Variants in TPO observed in about 807,000 individuals in gnomAD.
The protein encoded by TPO is thyroid peroxidase.
Under a neutral mutation model 96.9 loss-of-function variants are expected in TPO, and 78 were observed. The observed-to-expected ratio is 0.81, with a 90% CI of 0.67 to 0.97. The LOEUF (loss-of-function observed/expected upper bound fraction) is 0.97. TPO is among the 50% of genes least tolerant of loss of function. The pLI is 0.00. For missense variants in TPO, 1,252 were observed against 1,274.8 expected (o/e 0.98, Z 0.27); for synonymous variants, 547 against 538.0 (o/e 1.02, Z -0.23).
chr2:1,520,086 C>T (rs1043687212), intron 15 of TPO, among the ~76,000 whole-genome samples: 1 of 151,822 alleles, frequency 6.6e-6, no homozygotes, highest in Admixed American at 6.6e-5. Context: ...GTTACAGAGT[C>T]AGAGACCATA....
chr2:1,521,739 G>A lies in TPO; in HGVS notation c.2618+4757G>A, dbSNP rs143872948. Among the ~76,000 whole-genome samples the A allele has an allele frequency of 5.7e-3, 865 of 152,124 alleles. 12 individuals are homozygous for A. Among genetic ancestry groups the A allele is most frequent in the African/African-American group, 0.02 (837 of 41,474 alleles). On this transcript the variant is annotated intron_variant, in intron 15 of 16. Transcript: ENST00000329066. ...TAGTGGAATCCTTCAGAGTCAGTAC[G>A]GCGTCTGTGAGGCACTCAGGCCCCA... is the stretch of plus-strand genomic sequence containing the variant.
intron 14 of TPO, among the ~76,000 whole-genome samples, chr2:1,512,727 C>T (rs1001865523): frequency 6.6e-6 from 1 of 152,190 alleles, no homozygotes; most frequent in African/African-American, 2.4e-5. Flanking sequence ...GCCAGGCCGC[C>T]GGTGGAGCCT....
chr2:1,505,509 C>CA (rs1216988406), intron 14 of TPO, among the ~76,000 whole-genome samples: 1 of 135,894 alleles, frequency 7.4e-6, no homozygotes, highest in Non-Finnish European at 1.6e-5. Context: ...ACACCCCCAC[C>CA]ACCATCCTGT....
In TPO at chr2:1,423,335, G is replaced by A. The variant is rs9678469; in HGVS notation, c.179+206G>A. Among the ~76,000 whole-genome samples, 123,189 of 152,190 alleles carry A rather than the reference G, an allele frequency of 0.81. 49,967 individuals are homozygous for A. Among genetic ancestry groups the A allele is most frequent in the South Asian group, 0.9 (4,331 of 4,820 alleles). Reference sequence around the variant, plus strand: ...CCTTTCTTAAGCAAGACACAAAGGAGGAGCACCCTGATGCAATTAGCAATT... The same window carrying A: ...CCTTTCTTAAGCAAGACACAAAGGAAGAGCACCCTGATGCAATTAGCAATT... On this transcript the variant is annotated intron_variant, in intron 3 of 16. Transcript: ENST00000329066.
intron 1 of TPO, among the ~76,000 whole-genome samples, chr2:1,390,704 T>A (rs1053195670): frequency 6.6e-6 from 1 of 152,238 alleles, no homozygotes; most frequent in African/African-American, 2.4e-5. Context: ...GTTTCCTAAC[T>A]TTTTAATGAT....
chr2:1,521,724 C>T (rs1019850456), intron 15 of TPO, among the ~76,000 whole-genome samples: 4 of 152,056 alleles, frequency 2.6e-5, no homozygotes, highest in African/African-American at 9.7e-5. Flanking sequence ...TAGTGGAATC[C>T]TTCAGAGTCA....
chr2:1,478,311 C>CTGTT, intron 8 of TPO: 1 of 985,424 alleles, frequency 1.0e-6, no homozygotes, highest in Non-Finnish European at 1.2e-6. Flanking sequence ...GAAGGATGGG[C>CTGTT]TGTTTGATAT....
intron 15 of TPO, among the ~76,000 whole-genome samples, chr2:1,536,642 C>CA (rs1679714372): frequency 4.3e-4 from 1 of 2,344 alleles, no homozygotes; most frequent in Non-Finnish European, 1.2e-3. Flanking sequence ...CTCCCCAAAT[C>CA]CCCCCCCCCA....
At chr2:1,441,703 G>C (rs1666209403) in intron 5 of TPO, among the ~76,000 whole-genome samples, 1 of 152,150 alleles carries the variant, frequency 6.6e-6, no homozygotes, top group Non-Finnish European at 1.5e-5. Context: ...AGGTGGGTGT[G>C]GGCAGGGGTC....
chr2:1,502,124 C>G (rs1260704798), intron 13 of TPO, among the ~76,000 whole-genome samples: 1 of 152,064 alleles, frequency 6.6e-6, no homozygotes, highest in Non-Finnish European at 1.5e-5. Flanking sequence ...TTTGATTTTT[C>G]ACACGATCAT....
intron 15 of TPO, among the ~76,000 whole-genome samples, chr2:1,535,530 G>A (rs1157984747): frequency 8.3e-5 from 1 of 11,994 alleles, no homozygotes; most frequent in Non-Finnish European, 1.6e-4. Context: ...CCAAATCCCC[G>A]TGTGCCACTT....
rs1362962869 is a variant in TPO, at chr2:1,493,921, G to T, written c.1888G>T (p.Asp630Tyr). The T allele has an allele frequency of 6.2e-7, 1 of 1,614,102 alleles. No homozygotes were observed. Among genetic ancestry groups the T allele is most frequent in the East Asian group, 2.2e-5 (1 of 44,892 alleles). Residue 630 changes from aspartate (D) to tyrosine (Y), a missense_variant, in exon 11 of 17, where the codon GAC becomes TAC. Coordinates refer to ENST00000329066, the MANE Select transcript of TPO (RefSeq NM_001206744.2). The stretch of plus-strand genomic sequence containing the variant: ...GATCCTGGACTTGTACAAGCATCCT[G>T]ACAACATCGATGTCTGGCTGGGAGG... ...DKILDLYKHP[D>Y]NIDVWLGGLA...
At chr2:1,530,518 C>G (rs1266665622) in intron 15 of TPO, among the ~76,000 whole-genome samples, 1 of 129,840 alleles carries the variant, frequency 7.7e-6, no homozygotes, top group East Asian at 2.5e-4. Flanking sequence ...CCAAATCTCC[C>G]CCACTCTGTG....
chr2:1,384,885 C>T (rs1432434801), intron 1 of TPO, among the ~76,000 whole-genome samples: 1 of 152,160 alleles, frequency 6.6e-6, no homozygotes, highest in African/African-American at 2.4e-5. Flanking sequence ...AGATACATCC[C>T]ATCAATACCT....
intron 1 of TPO, among the ~76,000 whole-genome samples, chr2:1,376,579 G>A (rs906226591): frequency 1.4e-4 from 22 of 152,064 alleles, no homozygotes; most frequent in Non-Finnish European, 2.6e-4. Flanking sequence ...TGGTGCCCAG[G>A]GCAGTGCTGA....
intron 10 of TPO, among the ~76,000 whole-genome samples, chr2:1,489,988 T>G: frequency 3.7e-5 from 4 of 108,486 alleles, no homozygotes; most frequent in African/African-American, 7.1e-5. Flanking sequence ...ACAGGGGGAG[T>G]CACGACACAG....
At chr2:1,500,481 T>C (rs962431484) in intron 13 of TPO, among the ~76,000 whole-genome samples, 5 of 152,314 alleles carry the variant, frequency 3.3e-5, no homozygotes, top group South Asian at 4.1e-4. Context: ...CAGGAAACTT[T>C]ACGTTTATGG....
chr2:1,430,848 A>G (rs1664906272), intron 3 of TPO, among the ~76,000 whole-genome samples: 1 of 152,184 alleles, frequency 6.6e-6, no homozygotes, highest in Non-Finnish European at 1.5e-5. Context: ...GGAAAAATAT[A>G]CCCAATGCTG....
intron 15 of TPO, among the ~76,000 whole-genome samples, chr2:1,519,034 G>C (rs1018146435): frequency 6.6e-6 from 1 of 152,194 alleles, no homozygotes; most frequent in South Asian, 2.1e-4. Context: ...CCATCTTGAC[G>C]GGAAGGCAGA....
Sources: gnomAD v4.1 joint callset for allele counts (sites outside exome capture counted in the v4.1 genomes callset) on GRCh38, gnomAD v4.1.1 for gene constraint, MANE v1.5 for transcripts, NCBI Gene and HGNC (gene_info 2026-07-23, HGNC 2026-07-21) for gene names.